Variants in PAIP1 observed in about 807,000 individuals in gnomAD.
The protein encoded by PAIP1 is poly(A) binding protein interacting protein 1.
A neutral mutation model predicts 61.3 loss-of-function variants in PAIP1; 16 were observed. That is an observed-to-expected ratio of 0.26 (90% CI 0.18 to 0.40). PAIP1 has a LOEUF of 0.40. PAIP1 is among the 10% of genes least tolerant of loss of function. PAIP1 has a pLI of 1.00. For missense variants in PAIP1, 416 were observed against 600.9 expected, an observed-to-expected ratio of 0.69 and a Z score of 3.22; for synonymous variants, 187 against 226.2, an observed-to-expected ratio of 0.83 and a Z score of 1.56.
chr5:43,548,852 G>A (rs1035506900), intron 2 of PAIP1, among the ~76,000 whole-genome samples: 12 of 152,106 alleles, frequency 7.9e-5, no homozygotes, highest in Non-Finnish European at 1.0e-4. Flanking sequence ...TTTGTGAAGG[G>A]GTTAAGTTCT....
At chr5:43,543,310 C>CAAAAAAAAAAAAAA (rs11427976) in intron 3 of PAIP1, among the ~76,000 whole-genome samples, 194 bp from the exon 4 acceptor site, 17 of 95,950 alleles carry the variant, frequency 1.8e-4, no homozygotes, top group Non-Finnish European at 2.6e-4. Context: ...ACAATAAGTA[C>CAAAAAAAAAAAAAA]AAAAAAAAAA....
intron 10 of PAIP1, among the ~76,000 whole-genome samples, chr5:43,528,917 A>G (rs1344175480): frequency 6.6e-6 from 1 of 152,180 alleles, no homozygotes; most frequent in Non-Finnish European, 1.5e-5. Flanking sequence ...TAAGTGAGTA[A>G]TATGTTTAAA....
At chr5:43,538,589 A>G (rs183330722) in intron 5 of PAIP1, among the ~76,000 whole-genome samples, 3 of 152,358 alleles carry the variant, frequency 2.0e-5, no homozygotes, top group Admixed American at 1.3e-4. Flanking sequence ...GAAAGTCAAC[A>G]TACTAAATGT....
intron 4 of PAIP1, among the ~76,000 whole-genome samples, chr5:43,541,919 G>C (rs928163338): frequency 6.6e-6 from 1 of 152,078 alleles, no homozygotes; most frequent in Non-Finnish European, 1.5e-5. Context: ...GCTCACGCCT[G>C]TAATCCCAGC....
In PAIP1 at chr5:43,529,766, A is replaced by G. The variant is rs372053759; in HGVS notation, c.1346+20T>C. Reference sequence around the variant, plus strand: ...TTAGACACAGAAATTTCACGAAGTTAGTAACTGAAGAAAACTTACGGATCA... The same window carrying G: ...TTAGACACAGAAATTTCACGAAGTTGGTAACTGAAGAAAACTTACGGATCA... On this transcript the variant is annotated intron_variant, in intron 10 of 10. Transcript: ENST00000306846. 5.6e-6 allele frequency: 7 copies of G among 1,248,812 alleles called. No homozygotes were observed. The East Asian group carries it at 9.2e-5, about 17-fold the overall frequency. The allele number at this position is 1,248,812 out of a possible 1,614,324, so 77.4% of individuals were successfully genotyped here. A position where few individuals can be genotyped will look rare whatever the true frequency, so the allele number is the denominator to read the frequency against.
Position 43,556,569 on chromosome 5 carries a change from A to T in PAIP1, c.265+13T>A. 3 of 1,252,064 alleles carry T rather than the reference A, an allele frequency of 2.4e-6. No homozygotes were observed. Among genetic ancestry groups the T allele is most frequent in the Non-Finnish European group, 3.0e-6 (3 of 993,598 alleles). 77.6% of individuals were successfully genotyped at this position (1,252,064 alleles called of 1,614,324 possible). A position where few individuals can be genotyped will look rare whatever the true frequency, so the allele number is the denominator to read the frequency against. ...CGCCAAGGAGGACTGGGGCCCTTAG[A>T]GCTGCTCCGTACCTGGGAGCGCCCC... On this transcript the variant is annotated intron_variant, in intron 1 of 10. Transcript: ENST00000306846.
intron 3 of PAIP1, among the ~76,000 whole-genome samples, chr5:43,546,295 G>A (rs1561235672): frequency 6.6e-6 from 1 of 152,198 alleles, no homozygotes; most frequent in Non-Finnish European, 1.5e-5. Context: ...GTATAATTAC[G>A]CAGCCTACTG....
intron 2 of PAIP1, among the ~76,000 whole-genome samples, chr5:43,548,711 C>T (rs1180522144): frequency 2.0e-5 from 3 of 152,122 alleles, no homozygotes; most frequent in Non-Finnish European, 4.4e-5. Flanking sequence ...GAATACCACC[C>T]GAAGCGCTTT....
At chr5:43,533,591 A>G (rs1747029637) in intron 9 of PAIP1, 147 bp downstream of exon 9, 5 of 694,998 alleles carry the variant, frequency 7.2e-6, no homozygotes, top group East Asian at 2.5e-5. Context: ...AGAGCATTCT[A>G]TATTAGACAA....
At chr5:43,538,013 A>T (rs1203546875) in intron 5 of PAIP1, among the ~76,000 whole-genome samples, 1 of 151,798 alleles carries the variant, frequency 6.6e-6, no homozygotes, top group African/African-American at 2.4e-5. Flanking sequence ...AAAAAAAAAA[A>T]AAAAAAATCA....
In PAIP1 at chr5:43,534,977, A is replaced by C. The variant is rs1579909664; in HGVS notation, c.1080-7T>G. ...GAGCATCTGTTTTACATCTCTGTAG[A>C]CAAAGTTGAAAATGAGTTAGTGTAT... On this transcript the variant is annotated splice_polypyrimidine_tract_variant and splice_region_variant and intron_variant, in intron 7 of 10. Coordinates refer to ENST00000306846, the MANE Select transcript of PAIP1 (RefSeq NM_006451.5). 1 of 1,497,830 alleles carries C rather than the reference A, an allele frequency of 6.7e-7. No individual in the cohort carries two copies. Among genetic ancestry groups the C allele is most frequent in the South Asian group, 1.1e-5 (1 of 88,582 alleles). The allele number at this position is 1,497,830 out of a possible 1,614,324, so 92.8% of individuals were successfully genotyped here. A position where few individuals can be genotyped will look rare whatever the true frequency, so the allele number is the denominator to read the frequency against.
chr5:43,556,411 T>C (rs1376570074), intron 1 of PAIP1, 171 bp downstream of exon 1: 28 of 1,226,710 alleles, frequency 2.3e-5, no homozygotes, highest in Non-Finnish European at 2.8e-5. Flanking sequence ...GCAGACACCT[T>C]CCAAACCCGG....
intron 1 of PAIP1, chr5:43,556,327 C>T: frequency 1.6e-6 from 2 of 1,235,830 alleles, no homozygotes; most frequent in Non-Finnish European, 2.0e-6. Flanking sequence ...GCGATTTTTA[C>T]TTCCTCCCGG....
rs1255279992 is a variant in PAIP1, at chr5:43,526,645, T to G, written c.*731A>C. 1.9e-4 allele frequency: 26 copies of G among 137,864 alleles called. No homozygotes were observed. Among genetic ancestry groups the G allele is most frequent in the Non-Finnish European group, 2.3e-4 (15 of 63,838 alleles). The allele number at this position is 137,864 out of a possible 1,614,324, so 8.5% of individuals were successfully genotyped here. ...AGTCGATGCAACCCATGCTACAAAA[T>G]AAAAGTGAGAAAGCCATATAAATAA... On this transcript the variant is annotated 3_prime_UTR_variant, in exon 11 of 11. Transcript: ENST00000306846.
At chr5:43,540,992 C>A (rs555558570) in intron 4 of PAIP1, among the ~76,000 whole-genome samples, 2 of 152,008 alleles carry the variant, frequency 1.3e-5, no homozygotes, top group African/African-American at 4.8e-5. Flanking sequence ...TACAAGTACC[C>A]ACTCTGAATC....
chr5:43,539,766 A>C (rs10058558), intron 4 of PAIP1, among the ~76,000 whole-genome samples: 1 of 152,060 alleles, frequency 6.6e-6, no homozygotes, highest in African/African-American at 2.4e-5. Flanking sequence ...TAGTTCCTAC[A>C]AGGTAACTAA....
At chr5:43,536,510 C>G (rs554601159) in intron 6 of PAIP1, among the ~76,000 whole-genome samples, 4 of 151,918 alleles carry the variant, frequency 2.6e-5, no homozygotes, top group African/African-American at 7.2e-5. Context: ...GTGGCAAAAA[C>G]AAAAACAAAA....
chr5:43,554,663 C>A (rs888361374), intron 2 of PAIP1, among the ~76,000 whole-genome samples: 3 of 152,040 alleles, frequency 2.0e-5, no homozygotes, highest in African/African-American at 7.3e-5. Flanking sequence ...TACTATATGC[C>A]CACCAGAATG....
intron 5 of PAIP1, 34 bp downstream of exon 5, chr5:43,538,890 C>T (rs760476640): frequency 1.9e-6 from 2 of 1,045,294 alleles, no homozygotes; most frequent in African/African-American, 3.1e-5. Context: ...GTTCTCAGGC[C>T]TTGTTAGTAC....
Sources: gnomAD v4.1 joint callset for allele counts (sites outside exome capture counted in the v4.1 genomes callset) on GRCh38, gnomAD v4.1.1 for gene constraint, MANE v1.5 for transcripts, NCBI Gene and HGNC (gene_info 2026-07-23, HGNC 2026-07-21) for gene names.